Variants in CHLSN observed in about 807,000 individuals in gnomAD.
CHLSN encodes protein cholesin.
At chr7:1,054,551 C>T in the CHLSN span, among the ~76,000 whole-genome samples, 9 of 152,238 alleles carry the variant, frequency 5.9e-5, no homozygotes, top group Admixed American at 4.6e-4. Context: ...TCCCACTCCA[C>T]GTGACCGCCT....
chr7:1,056,468 A>G, the CHLSN span: 1 of 152,088 alleles, frequency 6.6e-6, no homozygotes. Context: ...TCCCACATCT[A>G]CCCACCCGCC....
chr7:1,028,756 G>A, the CHLSN span: 1 of 800,634 alleles, frequency 1.2e-6, no homozygotes, highest in Non-Finnish European at 1.5e-6. Context: ...CCCCCAGTCT[G>A]TCCCCATCTC....
the CHLSN span, among the ~76,000 whole-genome samples, chr7:1,071,223 C>T: frequency 6.6e-6 from 1 of 152,242 alleles, no homozygotes; most frequent in East Asian, 1.9e-4. Flanking sequence ...CCCTCCCGCA[C>T]GTCAGCAGCA....
the CHLSN span, chr7:1,127,195 CT>C: frequency 6.5e-7 from 1 of 1,527,980 alleles, no homozygotes. Flanking sequence ...CCCCCTCTCC[CT>C]CCAGATCAGA....
chr7:1,052,438 C>T, the CHLSN span, among the ~76,000 whole-genome samples: 18,093 of 151,542 alleles, frequency 0.12, 1,319 homozygotes, highest in Middle Eastern at 0.21. This position sits in a 1 kb window ranked among gnomAD's most constrained non-coding sequence, Gnocchi z 4.2. Flanking sequence ...GGGAGGGTTT[C>T]GGGGGGAGAT....
the CHLSN span, among the ~76,000 whole-genome samples, chr7:1,041,847 C>A: frequency 2.6e-5 from 4 of 151,936 alleles, no homozygotes; most frequent in African/African-American, 2.4e-5. Context: ...GCCAGCTGGG[C>A]CCCTCTCCAG....
the CHLSN span, among the ~76,000 whole-genome samples, chr7:1,039,362 G>A: frequency 1.5e-5 from 1 of 65,086 alleles, no homozygotes; most frequent in Non-Finnish European, 3.2e-5. Flanking sequence ...CCGGGAGGGA[G>A]GTGGGGGTGT....
chr7:1,078,390 C>T, the CHLSN span, among the ~76,000 whole-genome samples: 16 of 152,136 alleles, frequency 1.1e-4, 1 homozygote, highest in South Asian at 8.3e-4. Flanking sequence ...ACCCAGAAGA[C>T]GAAGGCCTGC....
the CHLSN span, among the ~76,000 whole-genome samples, chr7:1,046,149 G>A: frequency 6.6e-6 from 1 of 152,216 alleles, no homozygotes; most frequent in South Asian, 2.1e-4. Flanking sequence ...GTAATTTACA[G>A]TCGGAAGAGG....
At chr7:1,070,917 C>G in the CHLSN span, among the ~76,000 whole-genome samples, 2 of 114,564 alleles carry the variant, frequency 1.7e-5, no homozygotes, top group Admixed American at 1.7e-4. Flanking sequence ...CGCACACACA[C>G]AGCACGCACA....
At chr7:1,113,920 G>A in the CHLSN span, among the ~76,000 whole-genome samples, 3 of 152,222 alleles carry the variant, frequency 2.0e-5, no homozygotes, top group African/African-American at 7.2e-5. Context: ...CTTGTCTCCA[G>A]GGAGCGAATG....
chr7:1,118,327 G>C, the CHLSN span, among the ~76,000 whole-genome samples: 1 of 152,096 alleles, frequency 6.6e-6, no homozygotes, highest in Admixed American at 6.6e-5. Flanking sequence ...AGACCTTTTC[G>C]CTTACTTAAA....
chr7:997,927 C>A, the CHLSN span: 1 of 891,280 alleles, frequency 1.1e-6, no homozygotes, highest in South Asian at 1.6e-5. Context: ...CACTGCGGCC[C>A]GAGGGTGTGG....
the CHLSN span, among the ~76,000 whole-genome samples, chr7:1,013,942 G>A: frequency 6.6e-6 from 1 of 152,234 alleles, no homozygotes; most frequent in Non-Finnish European, 1.5e-5. Flanking sequence ...AATTCAATGT[G>A]CATGAAAAGC....
chr7:1,056,552 T>G, the CHLSN span: 10 of 152,642 alleles, frequency 6.6e-5, no homozygotes, highest in African/African-American at 9.6e-5. Flanking sequence ...CTATTGGCAC[T>G]GGGGACCTCG....
chr7:1,034,707 C>T, the CHLSN span, among the ~76,000 whole-genome samples: 1 of 152,164 alleles, frequency 6.6e-6, no homozygotes, highest in Non-Finnish European at 1.5e-5. Context: ...ATTATTTAAT[C>T]ACCCAGGTAC....
the CHLSN span, among the ~76,000 whole-genome samples, chr7:1,002,927 G>T: frequency 8.9e-6 from 1 of 112,874 alleles, no homozygotes; most frequent in East Asian, 2.9e-4. Flanking sequence ...AGTCCTGTGG[G>T]TAGGGAGTCC....
At chr7:1,074,291 C>T in the CHLSN span, among the ~76,000 whole-genome samples, 2 of 119,274 alleles carry the variant, frequency 1.7e-5, no homozygotes, top group Non-Finnish European at 3.5e-5. Flanking sequence ...ATCCCGCTGC[C>T]ATCACGCCTC....
At chr7:1,000,954 A>T in the CHLSN span, among the ~76,000 whole-genome samples, 1 of 152,170 alleles carries the variant, frequency 6.6e-6, no homozygotes, top group African/African-American at 2.4e-5. Context: ...ACTGTAAGGA[A>T]CAATACCCTG....
Sources: allele counts gnomAD v4.1 joint callset (sites outside exome capture counted in the v4.1 genomes callset), GRCh38; gene constraint gnomAD v4.1.1; non-coding constraint Gnocchi (gnomAD v3.1); transcripts MANE v1.5; gene names NCBI Gene and HGNC (gene_info 2026-07-23, HGNC 2026-07-21).